Variants in ZNF366 observed in about 807,000 individuals in gnomAD.
The protein encoded by ZNF366 is dendritic cell-specific transcript protein.
A neutral mutation model predicts 47.2 loss-of-function variants in ZNF366; 20 were observed. The observed-to-expected ratio is 0.42, with a 90% CI of 0.30 to 0.62. ZNF366 has a LOEUF of 0.62. Ranked by LOEUF, ZNF366 falls within the 20% of genes least tolerant of loss-of-function variation. The pLI is 0.16. For synonymous variants in ZNF366, 421 were observed against 395.1 expected (o/e 1.07, Z -0.78); for missense variants, 987 against 976.3 (o/e 1.01, Z -0.15).
At chr5:72,473,129 G>T (rs1453083640) in intron 1 of ZNF366, among the ~76,000 whole-genome samples, 2 of 152,156 alleles carry the variant, frequency 1.3e-5, no homozygotes, top group Non-Finnish European at 2.9e-5. Context: ...GCTATAATTT[G>T]CTAGTCTTAA....
chr5:72,470,180 C>T (rs371148471), intron 1 of ZNF366, among the ~76,000 whole-genome samples: 2 of 152,210 alleles, frequency 1.3e-5, no homozygotes, highest in South Asian at 4.1e-4. Context: ...ATCATATCCC[C>T]TAAGCTTGAT....
intron 3 of ZNF366, among the ~76,000 whole-genome samples, chr5:72,455,627 C>T (rs1216363421): frequency 6.6e-6 from 1 of 152,116 alleles, no homozygotes; most frequent in African/African-American, 2.4e-5. Context: ...CTCGGGGAGC[C>T]GGAGCATTTC....
intron 4 of ZNF366, 74 bp from the exon 5 acceptor site, chr5:72,444,365 C>A: frequency 6.6e-7 from 1 of 1,506,966 alleles, no homozygotes; most frequent in East Asian, 2.3e-5. Context: ...AGGGGAGCAG[C>A]CCGGGGCCGT....
chr5:72,475,832 G>A (rs1345643160), intron 1 of ZNF366, among the ~76,000 whole-genome samples: 3 of 152,144 alleles, frequency 2.0e-5, no homozygotes, highest in Admixed American at 6.5e-5. Context: ...CCCAATCAGA[G>A]GCTCTCATTG....
intron 1 of ZNF366, among the ~76,000 whole-genome samples, chr5:72,469,728 T>A (rs1038545110): frequency 5.3e-5 from 8 of 152,188 alleles, no homozygotes; most frequent in African/African-American, 1.9e-4. Flanking sequence ...TCTTCTATAA[T>A]TGCCCTAACA....
At chr5:72,449,438 T>C (rs896318900) in intron 3 of ZNF366, among the ~76,000 whole-genome samples, 1 of 152,184 alleles carries the variant, frequency 6.6e-6, no homozygotes, top group Admixed American at 6.5e-5. Flanking sequence ...TCTCTGGCCA[T>C]GTTGGCCAGG....
rs1742901733 is a variant in ZNF366, at chr5:72,443,768, A to G, written c.2223T>C (p.Leu741=). 1.2e-6 allele frequency: 2 copies of G among 1,612,926 alleles called. No individual in the cohort carries two copies. Among genetic ancestry groups the G allele is most frequent in the Non-Finnish European group, 1.7e-6 (2 of 1,179,330 alleles). Residue 741 remains leucine (L), a synonymous_variant, in exon 5 of 5, where the codon CTT becomes CTC. Transcript: ENST00000318442. ...LERKMEKQAV[L]LGI ...TAAAACTGTCCACTTAGATACCTAA[A>G]AGCACTGCTTGTTTTTCCATTTTCC... is the stretch of plus-strand genomic sequence containing the variant.
chr5:72,497,005 T>C (rs1015962718), intron 1 of ZNF366, among the ~76,000 whole-genome samples: 32 of 152,314 alleles, frequency 2.1e-4, no homozygotes, highest in Middle Eastern at 3.4e-3. Flanking sequence ...AAAATATGTA[T>C]AAAACAAGTC....
chr5:72,490,070 G>C (rs1364064209), intron 1 of ZNF366, among the ~76,000 whole-genome samples: 1 of 152,202 alleles, frequency 6.6e-6, no homozygotes, highest in African/African-American at 2.4e-5. Context: ...GCTTGAGCTT[G>C]AGCTTCCTCC....
chr5:72,460,069 G>A lies in ZNF366; in HGVS notation c.1332+96C>T, dbSNP rs916814118. The A allele has an allele frequency of 4.4e-5, 65 of 1,487,448 alleles. 1 individual carries two copies. In the South Asian group the frequency reaches 4.8e-4, roughly 11 times the overall value. The allele number at this position is 1,487,448 out of a possible 1,614,324, so 92.1% of individuals were successfully genotyped here. ...GTTGCCCACCTCCTCGGGGTAAGGT[G>A]CAGAGCGGCACAGGCGTCCTGCTCC... On this transcript the variant is annotated intron_variant, in intron 2 of 4. Transcript: ENST00000318442.
At chr5:72,456,696 G>C in intron 2 of ZNF366, 101 bp from the exon 3 acceptor site, 1 of 1,223,424 alleles carries the variant, frequency 8.2e-7, no homozygotes, top group Non-Finnish European at 1.1e-6. Context: ...AATCCACAAA[G>C]AGCTTGGTGA....
Position 72,460,275 on chromosome 5 carries a change from G to A in ZNF366, c.1222C>T (p.Leu408=), listed in dbSNP as rs7721922. The change falls in exon 2 of 5, where the codon CTG becomes TTG. Residue 408 remains leucine, a synonymous_variant. Transcript: ENST00000318442. ...TTGTGCTTCATCATGTGGTTCTGCA[G>A]CTGGCTCGGGTACTGGAAGGTCTTG... ...CDKTFQYPSQ[L]QNHMMKHKDI... is the part of the protein sequence containing the mutation. 0.36 allele frequency: 588,103 copies of A among 1,613,966 alleles called. 116,614 individuals carry two copies. Among genetic ancestry groups the A allele is most frequent in the East Asian group, 0.89 (39,915 of 44,866 alleles).
chr5:72,486,767 T>C (rs1026005696), intron 1 of ZNF366, among the ~76,000 whole-genome samples: 3 of 152,058 alleles, frequency 2.0e-5, no homozygotes, highest in Non-Finnish European at 4.4e-5. Context: ...TATATCTTTG[T>C]TCTTTTATTT....
intron 1 of ZNF366, among the ~76,000 whole-genome samples, chr5:72,506,404 A>G (rs1380423438): frequency 6.6e-6 from 1 of 152,196 alleles, no homozygotes; most frequent in East Asian, 1.9e-4. Context: ...TTTAAAAACT[A>G]GTTGTGTATG....
At position 72,496,408 on chromosome 5, in the gene ZNF366, G is replaced by A. The variant is rs73763730; in HGVS notation, c.-15+10843C>T. On this transcript the variant is annotated intron_variant, in intron 1 of 4. Transcript: ENST00000318442. ...TGTCTGGTTCCTTTAATAATATTGT[G>A]TCTGGCTTCTTTCTCTCAGTGTGAT... Among the ~76,000 whole-genome samples the A allele has an allele frequency of 7.5e-3, 1,144 of 152,138 alleles. 15 individuals are homozygous for A. Among genetic ancestry groups the A allele is most frequent in the African/African-American group, 0.026 (1,066 of 41,500 alleles).
In ZNF366 at chr5:72,461,003, G is replaced by T. The variant is rs755788457; in HGVS notation, c.494C>A (p.Thr165Lys). ...GGGCGTGGGCAGGAATGGAGTGGGC[G>T]TTGGCTGGGGCCACACGGCGCTGGG... The part of the protein sequence containing the change: ...IKPSAVWPQP[T>K]PTPFLPTPYP... The change falls in exon 2 of 5, where the codon ACG (threonine) becomes AAG (lysine). Residue 165 changes from threonine to lysine, a missense_variant. Thr to Lys is a moderately conservative substitution (Grantham distance 78, BLOSUM62 -1). Around this residue, in one of 3 missense-constraint regions of ZNF366, gnomAD observed 591 missense variants for 560.9 expected, o/e 1.05. Transcript: ENST00000318442. 5.6e-6 allele frequency: 9 copies of T among 1,614,078 alleles called. No individual in the cohort carries two copies. In the East Asian group the frequency reaches 1.3e-4, roughly 24 times the overall value.
chr5:72,472,486 C>T lies in ZNF366; in HGVS notation c.-14-10976G>A, dbSNP rs1028822269. The T allele has an allele frequency of 1.4e-5, 13 of 933,618 alleles. No individual in the cohort carries two copies. In the African/African-American group the frequency reaches 1.8e-4, roughly 13 times the overall value. The allele number at this position is 933,618 out of a possible 1,614,324, so 57.8% of individuals were successfully genotyped here. On this transcript the variant is annotated intron_variant, in intron 1 of 4. Coordinates refer to ENST00000318442, the MANE Select transcript of ZNF366 (RefSeq NM_152625.3). ...CCAACCAGTGCCACAGCCTTCCCTA[C>T]CAGTGGGTTCTGTAGAACAGAGGAA... is the stretch of plus-strand genomic sequence containing the variant.
Sources: gnomAD v4.1 joint callset for allele counts (sites outside exome capture counted in the v4.1 genomes callset) on GRCh38, gnomAD v4.1.1 for gene constraint, gnomAD v4.1.1 regional missense constraint, MANE v1.5 for transcripts, NCBI Gene and HGNC (gene_info 2026-07-23, HGNC 2026-07-21) for gene names.